The following FOXP1 variants were observed in gnomAD, a reference collection of about 807,000 sequenced individuals.
The protein encoded by FOXP1 is forkhead box P1, also known as forkhead box protein P1.
FOXP1 carries 15 observed loss-of-function variants against 98.2 expected under a neutral mutation model. The ratio of observed to expected loss-of-function variants is 0.15; its 90% CI spans 0.10 to 0.24. FOXP1 has a LOEUF of 0.24. Ranked by LOEUF, FOXP1 falls within the 10% of genes least tolerant of loss-of-function variation. The pLI is 1.00. For missense variants in FOXP1, 633 were observed against 848.5 expected, an observed-to-expected ratio of 0.75 and a Z score of 3.15; for synonymous variants, 371 against 314.5, an observed-to-expected ratio of 1.18 and a Z score of -1.90.
chr3:71,168,430 T>C (rs901580046), intron 6 of FOXP1, among the ~76,000 whole-genome samples: 1 of 152,252 alleles, frequency 6.6e-6, no homozygotes, highest in East Asian at 1.9e-4. Flanking sequence ...AATTGTGCCT[T>C]GTCGGTTCCC....
chr3:71,162,278 T>C lies in FOXP1; in HGVS notation c.180+35924A>G, dbSNP rs150950504. Among the ~76,000 whole-genome samples, 6 of 152,334 alleles carry C rather than the reference T, an allele frequency of 3.9e-5. No homozygotes were observed. The East Asian group carries it at 9.6e-4, about 24-fold the overall frequency. On this transcript the variant is annotated intron_variant, in intron 6 of 20. Coordinates refer to ENST00000649528, the MANE Select transcript of FOXP1 (RefSeq NM_001349338.3). ...TGAAACCATATACTAAATTACAGGG[T>C]ATAAGAGATGCTTAGCTAACTGAAA...
At chr3:71,252,737 G>A (rs2068302659) in intron 5 of FOXP1, among the ~76,000 whole-genome samples, 1 of 152,204 alleles carries the variant, frequency 6.6e-6, no homozygotes, top group Admixed American at 6.5e-5. Flanking sequence ...AAATGTCCTA[G>A]GCCAACAGCT....
chr3:71,018,955 T>C (rs977452007), intron 11 of FOXP1, among the ~76,000 whole-genome samples: 2 of 152,178 alleles, frequency 1.3e-5, no homozygotes, highest in African/African-American at 4.8e-5. Flanking sequence ...GTCTGCTGAG[T>C]GCTCTAACAG....
intron 7 of FOXP1, among the ~76,000 whole-genome samples, chr3:71,073,610 G>A (rs1476542570): frequency 1.3e-5 from 2 of 152,176 alleles, no homozygotes; most frequent in East Asian, 1.9e-4. Context: ...TTCCTCATTT[G>A]TAAAGTGGGA....
At position 71,377,516 on chromosome 3, in the gene FOXP1, C is replaced by T. The variant is rs544855358; in HGVS notation, c.-167-18272G>A. ...GTAAGTACTTTTTCATCCCCATCAT[C>T]AGATGAGAAAACTGAGGCTTAAAAT... On this transcript the variant is annotated intron_variant, in intron 3 of 20. Coordinates refer to ENST00000649528, the MANE Select transcript of FOXP1 (RefSeq NM_001349338.3). Among the ~76,000 whole-genome samples the T allele has an allele frequency of 1.8e-4, 28 of 152,268 alleles. No individual in the cohort carries two copies. The South Asian group carries it at 5.8e-3, about 32-fold the overall frequency.
intron 12 of FOXP1, among the ~76,000 whole-genome samples, chr3:71,011,818 AGGT>A (rs1357679768): frequency 1.3e-5 from 2 of 152,176 alleles, no homozygotes; most frequent in Admixed American, 6.6e-5. Flanking sequence ...AATAATTGAT[AGGT>A]GGTTTCCTAT....
At chr3:71,315,177 C>G (rs1003087243) in intron 4 of FOXP1, among the ~76,000 whole-genome samples, 3 of 151,724 alleles carry the variant, frequency 2.0e-5, no homozygotes, top group Non-Finnish European at 4.4e-5. Flanking sequence ...TATGAACCAG[C>G]CTTTTATTTA....
chr3:70,975,224 T>C (rs1454293212), intron 17 of FOXP1, among the ~76,000 whole-genome samples: 1 of 152,234 alleles, frequency 6.6e-6, no homozygotes, highest in Non-Finnish European at 1.5e-5. Context: ...TTTCTATTTA[T>C]AAAAGGCAAT....
At chr3:71,015,480 T>A in intron 12 of FOXP1, 69 bp downstream of exon 12, 2 of 1,097,834 alleles carry the variant, frequency 1.8e-6, no homozygotes, top group Non-Finnish European at 2.8e-6. Context: ...AGGCATTTTA[T>A]GAGCAAAGCA....
At chr3:71,006,867 G>C (rs2042874679) in intron 12 of FOXP1, among the ~76,000 whole-genome samples, 1 of 151,970 alleles carries the variant, frequency 6.6e-6, no homozygotes, top group Admixed American at 6.6e-5. Context: ...AATTTAATTT[G>C]CATTTCTAAC....
intron 3 of FOXP1, among the ~76,000 whole-genome samples, chr3:71,406,131 A>AT (rs2082306362): frequency 2.0e-5 from 3 of 152,054 alleles, no homozygotes; most frequent in Admixed American, 2.0e-4. Context: ...TCCTTCCCCG[A>AT]TGAATTAGTT....
intron 2 of FOXP1, among the ~76,000 whole-genome samples, chr3:71,560,199 A>G (rs1254661606): frequency 6.6e-6 from 1 of 152,206 alleles, no homozygotes; most frequent in East Asian, 1.9e-4. Context: ...ACGGTGCTCC[A>G]TAATGTTTTC....
chr3:71,513,166 C>A (rs1389002684), intron 2 of FOXP1, among the ~76,000 whole-genome samples: 1 of 152,150 alleles, frequency 6.6e-6, no homozygotes, highest in Non-Finnish European at 1.5e-5. Context: ...ACATCTCAGA[C>A]TCAACACGTC....
chr3:71,222,447 C>G (rs1470738414), intron 5 of FOXP1, among the ~76,000 whole-genome samples: 1 of 152,014 alleles, frequency 6.6e-6, no homozygotes, highest in Non-Finnish European at 1.5e-5. Context: ...GAGATGGAGT[C>G]TCGCTCTGTC....
chr3:71,229,969 A>G (rs2066151579), intron 5 of FOXP1, among the ~76,000 whole-genome samples: 1 of 152,030 alleles, frequency 6.6e-6, no homozygotes, highest in Non-Finnish European at 1.5e-5. Flanking sequence ...TCAAGCTCAG[A>G]TTATCTCAGT....
intron 4 of FOXP1, among the ~76,000 whole-genome samples, chr3:71,317,875 A>C (rs1302821998): frequency 6.6e-6 from 1 of 152,214 alleles, no homozygotes; most frequent in Non-Finnish European, 1.5e-5. Flanking sequence ...CTGACATAAG[A>C]ATATAAAAAT....
At chr3:71,393,220 A>C (rs1224886682) in intron 3 of FOXP1, among the ~76,000 whole-genome samples, 1 of 152,154 alleles carries the variant, frequency 6.6e-6, no homozygotes, top group African/African-American at 2.4e-5. Flanking sequence ...TAATCATAAT[A>C]GGTCAGGTTT....
chr3:71,364,162 T>C (rs2078756272), intron 3 of FOXP1, among the ~76,000 whole-genome samples: 1 of 152,222 alleles, frequency 6.6e-6, no homozygotes, highest in South Asian at 2.1e-4. Context: ...TTACAGCTGC[T>C]AGTATCTCTT....
chr3:71,429,161 T>G (rs989356500), intron 3 of FOXP1, among the ~76,000 whole-genome samples: 1 of 152,014 alleles, frequency 6.6e-6, no homozygotes, highest in South Asian at 2.1e-4. Flanking sequence ...GCATGGCCCA[T>G]GGAGTTATCA....
Sources: allele counts gnomAD v4.1 joint callset (sites outside exome capture counted in the v4.1 genomes callset), GRCh38; gene constraint gnomAD v4.1.1; transcripts MANE v1.5; gene names NCBI Gene and HGNC (gene_info 2026-07-23, HGNC 2026-07-21).